The following ABTB3 variants were observed in gnomAD, a reference collection of about 807,000 sequenced individuals.
ABTB3 encodes ankyrin repeat- and BTB/POZ domain-containing protein 3.
the ABTB3 span, among the ~76,000 whole-genome samples, chr12:107,453,808 C>T: frequency 3.9e-5 from 6 of 152,102 alleles, 1 homozygote; most frequent in Middle Eastern, 0.01. Flanking sequence ...AGGGTACCAA[C>T]GAGGAGATGA....
the ABTB3 span, among the ~76,000 whole-genome samples, chr12:107,645,445 T>C: frequency 6.6e-6 from 1 of 152,140 alleles, no homozygotes; most frequent in Non-Finnish European, 1.5e-5. Context: ...GTGGTCCAGG[T>C]TCCCGCTGCT....
chr12:107,431,170 G>T, the ABTB3 span, among the ~76,000 whole-genome samples: 1 of 152,212 alleles, frequency 6.6e-6, no homozygotes, highest in Non-Finnish European at 1.5e-5. Context: ...CTGAGAAAAG[G>T]TCTCATTCAA....
At chr12:107,622,318 G>A in the ABTB3 span, among the ~76,000 whole-genome samples, 1 of 152,100 alleles carries the variant, frequency 6.6e-6, no homozygotes, top group Non-Finnish European at 1.5e-5. Context: ...GGATATTCTT[G>A]TGGTCAAAAG....
chr12:107,449,176 C>T, the ABTB3 span, among the ~76,000 whole-genome samples: 1 of 152,136 alleles, frequency 6.6e-6, no homozygotes, highest in African/African-American at 2.4e-5. Context: ...CACTGCAGAG[C>T]CTATAGCCAG....
At chr12:107,443,489 C>T in the ABTB3 span, among the ~76,000 whole-genome samples, 3 of 151,826 alleles carry the variant, frequency 2.0e-5, no homozygotes, top group Non-Finnish European at 4.4e-5. Flanking sequence ...AAGAGTGTTC[C>T]AAGCAGAGAG....
At chr12:107,367,030 C>A in the ABTB3 span, among the ~76,000 whole-genome samples, 1 of 152,236 alleles carries the variant, frequency 6.6e-6, no homozygotes, top group Admixed American at 6.5e-5. Context: ...GCACAGCCCC[C>A]AACCACTCCC....
At chr12:107,481,879 A>G in the ABTB3 span, among the ~76,000 whole-genome samples, 2 of 73,574 alleles carry the variant, frequency 2.7e-5, no homozygotes, top group Admixed American at 1.6e-4. Context: ...GGGAGAAATC[A>G]AGAGTCTCTC....
At chr12:107,505,313 C>G in the ABTB3 span, among the ~76,000 whole-genome samples, 2 of 151,924 alleles carry the variant, frequency 1.3e-5, no homozygotes, top group Non-Finnish European at 2.9e-5. Context: ...GAATCAGGAC[C>G]AGCCCTACCT....
At chr12:107,328,757 C>T in the ABTB3 span, among the ~76,000 whole-genome samples, 1 of 152,196 alleles carries the variant, frequency 6.6e-6, no homozygotes, top group African/African-American at 2.4e-5. Context: ...GGCTCAAAAG[C>T]CTGTGCGCTG....
At chr12:107,380,835 T>C in the ABTB3 span, among the ~76,000 whole-genome samples, 1 of 152,216 alleles carries the variant, frequency 6.6e-6, no homozygotes, top group Non-Finnish European at 1.5e-5. Context: ...ATATACTTTA[T>C]GTATATTTTA....
chr12:107,587,303 T>G, the ABTB3 span, among the ~76,000 whole-genome samples: 29 of 152,334 alleles, frequency 1.9e-4, no homozygotes, highest in Admixed American at 6.5e-4. Flanking sequence ...CTGCTGGCAG[T>G]GTGGACAGTG....
the ABTB3 span, among the ~76,000 whole-genome samples, chr12:107,555,397 G>A: frequency 3.3e-5 from 5 of 152,192 alleles, no homozygotes; most frequent in Non-Finnish European, 5.9e-5. Context: ...GACAAGCTAC[G>A]AGGTTCAAGT....
chr12:107,651,897 C>G, the ABTB3 span: 1 of 892,302 alleles, frequency 1.1e-6, no homozygotes, highest in Non-Finnish European at 1.8e-6. Flanking sequence ...GGCCAGTTCT[C>G]TCAGGGCTAA....
At chr12:107,379,357 A>G in the ABTB3 span, among the ~76,000 whole-genome samples, 1 of 152,040 alleles carries the variant, frequency 6.6e-6, no homozygotes, top group African/African-American at 2.4e-5. Context: ...GTGGGAGGTA[A>G]TTGAATCATG....
chr12:107,478,055 G>A, the ABTB3 span, among the ~76,000 whole-genome samples: 2 of 152,166 alleles, frequency 1.3e-5, no homozygotes, highest in Non-Finnish European at 1.5e-5. Flanking sequence ...CTTACAGAAA[G>A]TCCAACCTTG....
At chr12:107,409,359 A>G in the ABTB3 span, among the ~76,000 whole-genome samples, 1 of 152,252 alleles carries the variant, frequency 6.6e-6, no homozygotes, top group Non-Finnish European at 1.5e-5. Context: ...TAGTTCAACC[A>G]TTGTGGAAAA....
chr12:107,406,413 G>A, the ABTB3 span, among the ~76,000 whole-genome samples: 3 of 152,202 alleles, frequency 2.0e-5, no homozygotes, highest in African/African-American at 7.2e-5. Context: ...CTGAGCCACA[G>A]AGTGAAACCC....
chr12:107,655,624 C>T, the ABTB3 span, among the ~76,000 whole-genome samples: 1 of 152,240 alleles, frequency 6.6e-6, no homozygotes, highest in Non-Finnish European at 1.5e-5. Flanking sequence ...GAGCCACGTT[C>T]CAAATGTCAA....
chr12:107,524,637 G>A, the ABTB3 span, among the ~76,000 whole-genome samples: 4 of 152,300 alleles, frequency 2.6e-5, no homozygotes, highest in Non-Finnish European at 5.9e-5. Context: ...TCGATGATAT[G>A]GGAATGGAAG....
Sources: allele counts gnomAD v4.1 joint callset (sites outside exome capture counted in the v4.1 genomes callset), GRCh38; gene constraint gnomAD v4.1.1; transcripts MANE v1.5; gene names NCBI Gene and HGNC (gene_info 2026-07-23, HGNC 2026-07-21).